The following HSF2BP variants were observed in gnomAD, a reference collection of about 807,000 sequenced individuals.
The protein encoded by HSF2BP is heat shock factor 2-binding protein.
In HSF2BP, 35 loss-of-function variants were observed where a neutral mutation model predicts 35.0. That is an observed-to-expected ratio of 1.00 (90% CI 0.76 to 1.32). The LOEUF is 1.32. Ranked by LOEUF, HSF2BP falls within the 40% of genes most tolerant of loss-of-function variation. The probability of loss-of-function intolerance (pLI) is 0.00; values close to 1 mark genes in which losing one functional copy is unlikely to be tolerated. For missense variants in HSF2BP, 326 were observed against 321.7 expected, an observed-to-expected ratio of 1.01 and a Z score of -0.10; for synonymous variants, 114 against 117.4, an observed-to-expected ratio of 0.97 and a Z score of 0.18.
At chr21:43,607,338 C>T (rs1298753852) in intron 7 of HSF2BP, among the ~76,000 whole-genome samples, 1 of 150,372 alleles carries the variant, frequency 6.7e-6, no homozygotes, top group Non-Finnish European at 1.5e-5. Context: ...ACAACACAAT[C>T]CTATTTACAA....
chr21:43,598,168 C>T (rs920781904), intron 7 of HSF2BP, among the ~76,000 whole-genome samples: 9 of 151,956 alleles, frequency 5.9e-5, no homozygotes, highest in African/African-American at 2.2e-4. Context: ...CCCATGTGAC[C>T]ATAGGCACTT....
chr21:43,654,593 A>T lies in HSF2BP; in HGVS notation c.187+1994T>A, dbSNP rs562294518. ...GTCTTCCTCACTGCAAAGAGCCATAAACCTCACTCTGTCAGACTGTGGGTC... is the reference window on the plus strand; with the variant it reads ...GTCTTCCTCACTGCAAAGAGCCATATACCTCACTCTGTCAGACTGTGGGTC... On this transcript the variant is annotated intron_variant, in intron 3 of 8. Transcript: ENST00000291560. 8.1e-4 allele frequency among the ~76,000 whole-genome samples: 124 copies of T among 152,260 alleles called. 1 individual carries two copies. The highest frequency in any genetic ancestry group is 1.4e-3 in the Non-Finnish European group (98 of 68,014).
intron 8 of HSF2BP, among the ~76,000 whole-genome samples, chr21:43,574,599 C>T (rs1005969446): frequency 5.9e-5 from 9 of 152,222 alleles, no homozygotes; most frequent in South Asian, 2.1e-4. Context: ...CCTTGTGATC[C>T]GCCCGCCTCG....
intron 3 of HSF2BP, 135 bp downstream of exon 3, chr21:43,656,452 G>T: frequency 1.2e-6 from 1 of 846,338 alleles, no homozygotes; most frequent in Non-Finnish European, 1.8e-6. Flanking sequence ...CCTTTCTTAG[G>T]TCATCAGACT....
chr21:43,623,656 G>C (rs2082356533), intron 6 of HSF2BP, among the ~76,000 whole-genome samples: 1 of 152,172 alleles, frequency 6.6e-6, no homozygotes, highest in Admixed American at 6.5e-5. Flanking sequence ...TACAAGGCTG[G>C]TGATGAAGTC....
chr21:43,656,837 G>A (rs1355922850), intron 2 of HSF2BP, 100 bp from the exon 3 acceptor site: 5 of 955,860 alleles, frequency 5.2e-6, no homozygotes, highest in South Asian at 3.1e-5. Flanking sequence ...TATGTGCATC[G>A]TTGTTTCAAA....
At chr21:43,650,702 CTTTT>C (rs998092548) in intron 3 of HSF2BP, among the ~76,000 whole-genome samples, 2 of 99,284 alleles carry the variant, frequency 2.0e-5, no homozygotes, top group Non-Finnish European at 3.9e-5. Context: ...TTCAGGCTTG[CTTTT>C]TTTTTTTTTT....
chr21:43,630,298 T>C (rs113542944), intron 6 of HSF2BP, 24 bp downstream of exon 6: 2 of 1,596,186 alleles, frequency 1.3e-6, no homozygotes, highest in Non-Finnish European at 1.7e-6. Flanking sequence ...ACAGGCAACA[T>C]CTCTCAGGTG....
At chr21:43,649,186 T>C (rs2082748964) in intron 3 of HSF2BP, among the ~76,000 whole-genome samples, 1 of 152,164 alleles carries the variant, frequency 6.6e-6, no homozygotes, top group African/African-American at 2.4e-5. Flanking sequence ...TCCCAAGTAG[T>C]TGGGATTACA....
intron 7 of HSF2BP, among the ~76,000 whole-genome samples, chr21:43,604,576 A>G (rs1365372798): frequency 7.6e-6 from 1 of 130,868 alleles, no homozygotes; most frequent in African/African-American, 3.0e-5. Context: ...ACACACACCA[A>G]TATACACACA....
At chr21:43,658,958 G>A (rs1028244395) in intron 1 of HSF2BP, among the ~76,000 whole-genome samples, 21 of 152,210 alleles carry the variant, frequency 1.4e-4, no homozygotes, top group South Asian at 2.1e-4. Flanking sequence ...CACGGAGATC[G>A]CAGGTAAGCT....
intron 3 of HSF2BP, among the ~76,000 whole-genome samples, chr21:43,649,303 C>T (rs949494360): frequency 6.6e-6 from 1 of 151,684 alleles, no homozygotes; most frequent in Admixed American, 6.6e-5. Context: ...CATGATGGCG[C>T]GCACCTGTAG....
intron 6 of HSF2BP, 58 bp downstream of exon 6, chr21:43,630,264 T>C: frequency 6.9e-7 from 1 of 1,459,670 alleles, no homozygotes; most frequent in Non-Finnish European, 9.3e-7. Flanking sequence ...CAGTATTTGC[T>C]TTACTGCAGT....
chr21:43,608,886 T>C (rs552332021), intron 7 of HSF2BP, among the ~76,000 whole-genome samples: 76 of 151,662 alleles, frequency 5.0e-4, no homozygotes, highest in African/African-American at 1.8e-3. Flanking sequence ...GGCAGAAGGA[T>C]TGCTTGAGCC....
rs751154528 is a variant in HSF2BP at position 43,643,636 on chromosome 21, T to C, written c.291+653A>G. Among the ~76,000 whole-genome samples the C allele has an allele frequency of 5.9e-4, 89 of 152,086 alleles. 1 individual carries two copies. Among genetic ancestry groups the C allele is most frequent in the Admixed American group, 1.0e-3 (16 of 15,274 alleles). On this transcript the variant is annotated intron_variant, in intron 4 of 8. Coordinates refer to ENST00000291560, the MANE Select transcript of HSF2BP (RefSeq NM_007031.2). ...TTGAACCTTCCAGCCACCAAAATCT[T>C]GACATAAATAAACCTCTTTTCTTTA...
intron 4 of HSF2BP, among the ~76,000 whole-genome samples, chr21:43,635,202 A>G (rs1568931341): frequency 6.6e-6 from 1 of 152,246 alleles, no homozygotes; most frequent in Non-Finnish European, 1.5e-5. Flanking sequence ...GAGAGAAAGT[A>G]GAGCTAAATA....
At chr21:43,599,864 T>C (rs1422102867) in intron 7 of HSF2BP, among the ~76,000 whole-genome samples, 1 of 83,018 alleles carries the variant, frequency 1.2e-5, no homozygotes, top group East Asian at 3.9e-4. Flanking sequence ...TTTCTTCCAA[T>C]GACAAAAAAA....
intron 8 of HSF2BP, among the ~76,000 whole-genome samples, chr21:43,588,465 G>C (rs549161270): frequency 6.6e-6 from 1 of 151,816 alleles, no homozygotes; most frequent in Non-Finnish European, 1.5e-5. Flanking sequence ...GTCCTGTAGC[G>C]TTGTTGGGAA....
Position 43,640,752 on chromosome 21 carries a change from C to CA in HSF2BP, c.291+3536dup, listed in dbSNP as rs561518724. On this transcript the variant is annotated intron_variant, in intron 4 of 8. Transcript: ENST00000291560. ...CTTCTAGTGAATCTATAAGTAAACACAAAAAAATTTTTTTGTTTCCAGTGG... is the reference window on the plus strand; with the variant it reads ...CTTCTAGTGAATCTATAAGTAAACACAAAAAAAATTTTTTTGTTTCCAGTGG... 1.1e-4 allele frequency among the ~76,000 whole-genome samples: 17 copies of CA among 148,414 alleles called. No homozygotes were observed. The South Asian group carries it at 3.6e-3, about 32-fold the overall frequency.
Sources: gnomAD v4.1 joint callset for allele counts (sites outside exome capture counted in the v4.1 genomes callset) on GRCh38, gnomAD v4.1.1 for gene constraint, MANE v1.5 for transcripts, NCBI Gene and HGNC (gene_info 2026-07-23, HGNC 2026-07-21) for gene names.